ADAMTS16: variants seen among roughly 807,000 people sequenced by gnomAD.
The protein encoded by ADAMTS16 is A disintegrin and metalloproteinase with thrombospondin motifs 16.
ADAMTS16 carries 94 observed loss-of-function variants against 145.8 expected under a neutral mutation model. The observed-to-expected ratio is 0.64, with a 90% CI of 0.55 to 0.77. The LOEUF (loss-of-function observed/expected upper bound fraction) is 0.77, where lower values mean the gene tolerates loss of function less well. ADAMTS16 is among the 30% of genes least tolerant of loss of function. The pLI is 0.00. For missense variants in ADAMTS16, 1,585 were observed against 1,591.5 expected (o/e 1.00, Z 0.07); for synonymous variants, 659 against 604.3 (o/e 1.09, Z -1.33).
intron 18 of ADAMTS16, among the ~76,000 whole-genome samples, chr5:5,276,415 C>T (rs1229442917): frequency 1.3e-5 from 2 of 151,998 alleles, no homozygotes; most frequent in Non-Finnish European, 2.9e-5. Context: ...AAGACAGACC[C>T]GAGTGTAAAT....
rs375824676 is a variant in ADAMTS16, at chr5:5,146,238, A to G, written c.284A>G (p.Glu95Gly). The G allele has an allele frequency of 2.1e-4, 347 of 1,614,142 alleles. No individual in the cohort carries two copies. Among genetic ancestry groups the G allele is most frequent in the South Asian group, 7.9e-4 (72 of 91,076 alleles). ...RRRAVPVSEV[E>G]SLHLRLKGSR... ...AGAGCAGTGCCCGTGTCCGAGGTTG[A>G]GTCTCTTCACCTTCGGCTGAAAGGC... The change falls in exon 3 of 23, where the codon GAG (glutamate) becomes GGG (glycine). Residue 95 changes from glutamate to glycine, a missense_variant. Glu to Gly is a moderately conservative substitution (Grantham distance 98). Coordinates refer to ENST00000274181, the MANE Select transcript of ADAMTS16 (RefSeq NM_139056.4).
At chr5:5,165,658 A>G (rs1734856187) in intron 3 of ADAMTS16, among the ~76,000 whole-genome samples, 1 of 152,208 alleles carries the variant, frequency 6.6e-6, no homozygotes. Flanking sequence ...TAGAGAAAAC[A>G]GCTGATTCAT....
At chr5:5,217,738 G>T (rs541359823) in intron 10 of ADAMTS16, among the ~76,000 whole-genome samples, 1 of 152,186 alleles carries the variant, frequency 6.6e-6, no homozygotes, top group Non-Finnish European at 1.5e-5. Context: ...AAAGAGAGAG[G>T]CTTCATTAAA....
chr5:5,268,078 T>C (rs138234966), intron 18 of ADAMTS16, among the ~76,000 whole-genome samples: 2 of 152,224 alleles, frequency 1.3e-5, no homozygotes, highest in African/African-American at 4.8e-5. Flanking sequence ...GGCTGTGAGA[T>C]GACAAAAAGA....
intron 3 of ADAMTS16, among the ~76,000 whole-genome samples, chr5:5,179,972 T>C (rs750860682): frequency 1.1e-4 from 16 of 152,052 alleles, no homozygotes; most frequent in Non-Finnish European, 1.8e-4. Context: ...TCCTTGAGAG[T>C]TGTGTTTGGC....
At chr5:5,261,713 T>C (rs148766670) in intron 17 of ADAMTS16, among the ~76,000 whole-genome samples, 50 of 152,312 alleles carry the variant, frequency 3.3e-4, no homozygotes, top group African/African-American at 1.2e-3. Context: ...CTCAATCCCC[T>C]GACCTCGTGA....
intron 18 of ADAMTS16, among the ~76,000 whole-genome samples, chr5:5,268,435 A>T (rs1738331229): frequency 6.6e-6 from 1 of 152,150 alleles, no homozygotes; most frequent in Non-Finnish European, 1.5e-5. Context: ...AGCTACTGCA[A>T]CTGCGACTGC....
At chr5:5,204,818 G>T (rs1579309027) in intron 9 of ADAMTS16, among the ~76,000 whole-genome samples, 1 of 152,142 alleles carries the variant, frequency 6.6e-6, no homozygotes, top group Non-Finnish European at 1.5e-5. Context: ...ATAAGCACAG[G>T]TGCAATAGAC....
chr5:5,232,430 C>G lies in ADAMTS16; in HGVS notation c.1764C>G (p.His588Gln). The change falls in exon 12 of 23, where the codon CAC (histidine) becomes CAG (glutamine). Residue 588 changes from histidine to glutamine, a missense_variant. By Grantham distance (24) the His-to-Gln change is conservative. Around this residue, in one of 3 missense-constraint regions of ADAMTS16, gnomAD observed 298 missense variants for 367.6 expected, o/e 0.81. Coordinates refer to ENST00000274181, the MANE Select transcript of ADAMTS16 (RefSeq NM_139056.4). ...GDEGPKPTHGHWSDWSSWSPC... is the reference protein window; with the variant it reads ...GDEGPKPTHGQWSDWSSWSPC... ...AAGGCCCCAAGCCCACCCATGGCCA[C>G]TGGTCGGACTGGTCTTCTTGGTCCC... 16 of 1,614,036 alleles carry G rather than the reference C, an allele frequency of 9.9e-6. No homozygotes were observed. Among genetic ancestry groups the G allele is most frequent in the Non-Finnish European group, 1.4e-5 (16 of 1,180,006 alleles).
At chr5:5,231,141 G>A (rs1736909752) in intron 11 of ADAMTS16, among the ~76,000 whole-genome samples, 1 of 152,204 alleles carries the variant, frequency 6.6e-6, no homozygotes, top group African/African-American at 2.4e-5. Flanking sequence ...CAGGCAATGG[G>A]CTTCTCCTTG....
chr5:5,182,429 TAAAC>T, intron 4 of ADAMTS16, 124 bp downstream of exon 4: 1 of 1,274,668 alleles, frequency 7.8e-7, no homozygotes, highest in African/African-American at 1.5e-5. Context: ...CTGTCGTTGC[TAAAC>T]TGAAGCAATG....
rs55690811 is a variant in ADAMTS16, at chr5:5,292,498, AAATAATAATAAT to A, written c.2790-10751_2790-10740del. The stretch of plus-strand genomic sequence containing the variant: ...GTGTGACAGAGTGGGACTCCAGCTC[AAATAATAATAAT>A]AATAATAATAATAATAATTTTAAAA... On this transcript the variant is annotated intron_variant, in intron 18 of 22. Transcript: ENST00000274181. Among the ~76,000 whole-genome samples the A allele has an allele frequency of 1.1e-4, 16 of 146,814 alleles. 1 individual carries two copies. The highest frequency in any genetic ancestry group is 6.6e-3 in the Middle Eastern group (2 of 302).
At chr5:5,264,227 T>C (rs1738146800) in intron 18 of ADAMTS16, among the ~76,000 whole-genome samples, 1 of 152,064 alleles carries the variant, frequency 6.6e-6, no homozygotes, top group Admixed American at 6.5e-5. Flanking sequence ...GGTCTGTGGG[T>C]TTCAGATTCT....
At chr5:5,267,436 C>T (rs924856729) in intron 18 of ADAMTS16, among the ~76,000 whole-genome samples, 16 of 152,120 alleles carry the variant, frequency 1.1e-4, no homozygotes, top group Admixed American at 2.6e-4. Context: ...TAGCTCTCAG[C>T]GAGGTGAATG....
intron 21 of ADAMTS16, among the ~76,000 whole-genome samples, chr5:5,308,978 T>G (rs1740305409): frequency 6.7e-6 from 1 of 149,556 alleles, no homozygotes; most frequent in Non-Finnish European, 1.5e-5. Flanking sequence ...GCAGATTGGA[T>G]CACATGAAAA....
At chr5:5,288,221 G>A (rs1739174722) in intron 18 of ADAMTS16, among the ~76,000 whole-genome samples, 1 of 152,204 alleles carries the variant, frequency 6.6e-6, no homozygotes, top group Non-Finnish European at 1.5e-5. Flanking sequence ...ACAGTTGCTA[G>A]TGAATCCTCC....
chr5:5,166,047 G>A (rs530306536), intron 3 of ADAMTS16, among the ~76,000 whole-genome samples: 7 of 152,196 alleles, frequency 4.6e-5, no homozygotes, highest in East Asian at 1.9e-4. Context: ...AGGTCCCCAT[G>A]CACTGCCTTT....
At chr5:5,209,999 G>A (rs761658112) in intron 10 of ADAMTS16, among the ~76,000 whole-genome samples, 12 of 152,080 alleles carry the variant, frequency 7.9e-5, no homozygotes, top group Non-Finnish European at 1.2e-4. Context: ...TAAATCTAAC[G>A]TGATAATCAT....
At chr5:5,172,632 A>T (rs543155849) in intron 3 of ADAMTS16, among the ~76,000 whole-genome samples, 3 of 152,202 alleles carry the variant, frequency 2.0e-5, no homozygotes, top group Non-Finnish European at 2.9e-5. Flanking sequence ...GGTTTTTAAA[A>T]TTTTTTAAGA....
Sources: allele counts gnomAD v4.1 joint callset (sites outside exome capture counted in the v4.1 genomes callset), GRCh38; gene constraint gnomAD v4.1.1; regional missense constraint gnomAD v4.1.1; transcripts MANE v1.5; gene names NCBI Gene and HGNC (gene_info 2026-07-23, HGNC 2026-07-21).